Variants in STAT6 observed in about 807,000 individuals in gnomAD.
The protein encoded by STAT6 is signal transducer and activator of transcription 6.
In STAT6, 45 loss-of-function variants were observed where a neutral mutation model predicts 106.3. The ratio of observed to expected loss-of-function variants is 0.42; its 90% CI spans 0.33 to 0.54. STAT6 has a LOEUF of 0.54. STAT6 is among the 20% of genes least tolerant of loss of function. STAT6 has a pLI of 0.06. For synonymous variants in STAT6, 413 were observed against 413.6 expected (o/e 1.00, Z 0.02); for missense variants, 797 against 1,062.2 (o/e 0.75, Z 3.47).
At position 57,105,201 on chromosome 12, in the gene STAT6, T is replaced by C; in HGVS notation, c.951A>G (p.Thr317=). Residue 317 remains threonine (T), a synonymous_variant, in exon 9 of 22, where the codon ACA becomes ACG. Coordinates refer to ENST00000300134, the MANE Select transcript of STAT6 (RefSeq NM_003153.5). ...CACTCAGCTCCCGCGCCTGCTTCTC[T>C]GTCACCATGTCGGCCCTGACCAGCG... ...KPPLVRADMV[T]EKQARELSVP... The C allele has an allele frequency of 5.0e-6, 8 of 1,614,002 alleles. No individual in the cohort carries two copies. In the Admixed American group the frequency reaches 1.0e-4, roughly 20 times the overall value.
At position 57,096,326 on chromosome 12, in the gene STAT6, G is replaced by C; in HGVS notation, c.*246C>G. On this transcript the variant is annotated 3_prime_UTR_variant, in exon 22 of 22. Transcript: ENST00000300134. ...TGCAGGCATGTTGGGGTGTGTCTCA[G>C]AGCCTGAACTTCCCTTCCAGTCAGT... The C allele has an allele frequency of 2.0e-6, 1 of 497,736 alleles. No individual in the cohort carries two copies. Among genetic ancestry groups the C allele is most frequent in the Non-Finnish European group, 3.5e-6 (1 of 282,190 alleles). The allele number at this position is 497,736 out of a possible 1,614,324, so 30.8% of individuals were successfully genotyped here.
chr12:57,106,612 G>A, intron 5 of STAT6, 32 bp from the exon 6 acceptor site: 1 of 1,614,000 alleles, frequency 6.2e-7, no homozygotes, highest in Non-Finnish European at 8.5e-7. Context: ...CAAGGGTGCA[G>A]ACAGATTAGA....
At chr12:57,105,658 C>T (rs2034227163) in intron 7 of STAT6, 59 bp from the exon 8 acceptor site, 5 of 1,574,130 alleles carry the variant, frequency 3.2e-6, no homozygotes, top group African/African-American at 2.7e-5. Context: ...CCGGCCCAGA[C>T]CCCCTTCCCC....
At position 57,105,253 on chromosome 12, in the gene STAT6, C is replaced by T; in HGVS notation, c.899G>A (p.Arg300Lys). 1 of 1,614,150 alleles carries T rather than the reference C, an allele frequency of 6.2e-7. No individual in the cohort carries two copies. The highest frequency in any genetic ancestry group is 8.5e-7 in the Non-Finnish European group (1 of 1,180,016). ...AGGCTTGGCTGGGGCCCCCAGGAACCTCAAGCCCAACAGGAATCGAACTCC... is the reference window on the plus strand; with the variant it reads ...AGGCTTGGCTGGGGCCCCCAGGAACTTCAAGCCCAACAGGAATCGAACTCC... ...QAGVRFLLGLRFLGAPAKPPL... is the reference protein window; with the variant it reads ...QAGVRFLLGLKFLGAPAKPPL... The change falls in exon 9 of 22, where the codon AGG becomes AAG. Residue 300 changes from arginine to lysine, a missense_variant. Arg to Lys is a conservative substitution (Grantham distance 26). Coordinates refer to ENST00000300134, the MANE Select transcript of STAT6 (RefSeq NM_003153.5).
At chr12:57,107,825 A>C in intron 2 of STAT6, 82 bp from the exon 3 acceptor site, 13 of 1,576,602 alleles carry the variant, frequency 8.2e-6, no homozygotes, top group Middle Eastern at 1.7e-4. Flanking sequence ...CCAAAAGCTC[A>C]GCAGTTCCTT....
At chr12:57,109,194 T>A (rs1285738101) in intron 1 of STAT6, among the ~76,000 whole-genome samples, 1 of 151,818 alleles carries the variant, frequency 6.6e-6, no homozygotes, top group East Asian at 1.9e-4. Context: ...AGAGAGAGAC[T>A]CTGCCTCAAA....
intron 10 of STAT6, 33 bp from the exon 11 acceptor site, chr12:57,104,619 G>T: frequency 1.9e-6 from 3 of 1,613,422 alleles, no homozygotes; most frequent in Non-Finnish European, 2.5e-6. Flanking sequence ...CAAGGGCGAG[G>T]TCATGAGGAC....
chr12:57,102,346 T>C lies in STAT6; in HGVS notation c.1456A>G (p.Ser486Gly). Residue 486 changes from serine (S) to glycine (G), a missense_variant, in exon 13 of 22, where the codon AGC (serine) becomes GGC (glycine). Physicochemically the swap from Ser to Gly is moderately conservative, Grantham distance 56. This residue lies in a region of STAT6 where 222 missense variants were observed against 354.6 expected (regional missense o/e 0.63). Transcript: ENST00000300134. ...TGCTGGAAGGCCTCCATACTGAGGC[T>C]GTTGTCATTGAAGATCTTCTGGGCC... ...FLAQKIFNDN[S>G]LSMEAFQHRS... 2.5e-6 allele frequency: 4 copies of C among 1,614,094 alleles called. No individual in the cohort carries two copies. Among genetic ancestry groups the C allele is most frequent in the Non-Finnish European group, 3.4e-6 (4 of 1,179,998 alleles).
chr12:57,098,813 A>G lies in STAT6; in HGVS notation c.2045T>C (p.Met682Thr). ...LGMAPDSSMS[M>T]QLGPDMVPQV... ...TTACACCATATCTGGGCCAAGCTGC[A>G]TGCTCATGGAGGAATCAGGGGCCAT... Residue 682 changes from methionine to threonine, a missense_variant, in exon 18 of 22, where the codon ATG becomes ACG. Around this residue, in one of 4 missense-constraint regions of STAT6, gnomAD observed 226 missense variants for 236.7 expected, o/e 0.95. Coordinates refer to ENST00000300134, the MANE Select transcript of STAT6 (RefSeq NM_003153.5). 1 of 1,613,780 alleles carries G rather than the reference A, an allele frequency of 6.2e-7. No homozygotes were observed. Among genetic ancestry groups the G allele is most frequent in the South Asian group, 1.1e-5 (1 of 91,060 alleles).
rs2033389407 is a variant in STAT6 at position 57,095,984 on chromosome 12, T to G, written c.*588A>C. On this transcript the variant is annotated 3_prime_UTR_variant, in exon 22 of 22. Transcript: ENST00000300134. ...AGCCTCCACCTGGCTAACAGGAATTTGGGGCTTTGGGAGATTTTTTAATCA... is the reference window on the plus strand; with the variant it reads ...AGCCTCCACCTGGCTAACAGGAATTGGGGGCTTTGGGAGATTTTTTAATCA... 6.5e-6 allele frequency: 1 copy of G among 152,912 alleles called. No individual in the cohort carries two copies. The highest frequency in any genetic ancestry group is 2.1e-4 in the South Asian group (1 of 4,840). The allele number at this position is 152,912 out of a possible 1,614,324, so 9.5% of individuals were successfully genotyped here.
chr12:57,102,966 T>A lies in STAT6; in HGVS notation c.1213-45A>T, dbSNP rs12826372. The stretch of plus-strand genomic sequence containing the variant: ...GGGTTTCTTTTCTTTCTTTCTTTCC[T>A]TTTTTTTTTTTTTTTTTTTTTTTTT... On this transcript the variant is annotated intron_variant, in intron 11 of 21. Coordinates refer to ENST00000300134, the MANE Select transcript of STAT6 (RefSeq NM_003153.5). The A allele has an allele frequency of 7.8e-4, 14 of 18,036 alleles. No individual in the cohort carries two copies. The African/African-American group carries it at 0.011, about 15-fold the overall frequency. 1.1% of individuals were successfully genotyped at this position (18,036 alleles called of 1,614,324 possible). A position where few individuals can be genotyped will look rare whatever the true frequency, so the allele number is the denominator to read the frequency against.
In STAT6 at chr12:57,096,544, T is replaced by A; in HGVS notation, c.*28A>T. 5 of 1,547,302 alleles carry A rather than the reference T, an allele frequency of 3.2e-6. 1 individual carries two copies. The South Asian group carries it at 6.3e-5, about 19-fold the overall frequency. ...GTCTGTGGGGGTAGTAGAAGAGCTGTCTCTTTGGGTTCTCCCTCCAGCTGG... is the reference window on the plus strand; with the variant it reads ...GTCTGTGGGGGTAGTAGAAGAGCTGACTCTTTGGGTTCTCCCTCCAGCTGG... On this transcript the variant is annotated 3_prime_UTR_variant, in exon 22 of 22. Coordinates refer to ENST00000300134, the MANE Select transcript of STAT6 (RefSeq NM_003153.5).
At chr12:57,103,365 G>C (rs3024962) in intron 11 of STAT6, 8,882 of 158,066 alleles carry the variant, frequency 0.056, 844 homozygotes, top group African/African-American at 0.2. Context: ...AGGTTTCACC[G>C]TGTTAGCCAG....
At position 57,099,942 on chromosome 12, in the gene STAT6, A is replaced by C. The variant is rs1267077730; in HGVS notation, c.1608-39T>G. 29 of 1,614,094 alleles carry C rather than the reference A, an allele frequency of 1.8e-5. No individual in the cohort carries two copies. The highest frequency in any genetic ancestry group is 2.5e-5 in the Non-Finnish European group (29 of 1,180,038). ...AGGAGAGGATGGGGCATGGGCAGTG[A>C]GTATGGAGGTGACTGGTGTATGGCT... On this transcript the variant is annotated intron_variant, in intron 14 of 21. Coordinates refer to ENST00000300134, the MANE Select transcript of STAT6 (RefSeq NM_003153.5). This position sits in a 1 kb window ranked among gnomAD's most constrained non-coding sequence, Gnocchi z 4.7.
chr12:57,101,063 G>C (rs1383623571), intron 13 of STAT6, among the ~76,000 whole-genome samples: 1 of 152,098 alleles, frequency 6.6e-6, no homozygotes, highest in African/African-American at 2.4e-5. Flanking sequence ...TTCAGTTTTT[G>C]CAACAGGAAT....
Position 57,098,566 on chromosome 12 carries a change from T to C in STAT6, c.2098A>G (p.Ile700Val), listed in dbSNP as rs765520388. 1 of 1,614,054 alleles carries C rather than the reference T, an allele frequency of 6.2e-7. No individual in the cohort carries two copies. The highest frequency in any genetic ancestry group is 8.5e-7 in the Non-Finnish European group (1 of 1,180,006). The part of the protein sequence containing the change: ...PQVYPPHSHS[I>V]PPYQGLSPEE... The stretch of plus-strand genomic sequence containing the variant: ...GGGGAGAGGCCTTGATACGGGGGGA[T>C]GGAGTGAGAGTGTGGTGGGTACACC... Residue 700 changes from isoleucine (I) to valine (V), a missense_variant, in exon 19 of 22, where the codon ATC becomes GTC. Physicochemically the swap from Ile to Val is conservative, Grantham distance 29 (BLOSUM62 3). This residue lies in a region of STAT6 where 226 missense variants were observed against 236.7 expected (regional missense o/e 0.95). Transcript: ENST00000300134.
rs1193330350 is a variant in STAT6, at chr12:57,098,843, A to G, written c.2015T>C (p.Leu672Pro). 1 of 1,613,142 alleles carries G rather than the reference A, an allele frequency of 6.2e-7. No homozygotes were observed. Among genetic ancestry groups the G allele is most frequent in the Admixed American group, 1.7e-5 (1 of 59,616 alleles). ...CATGGAGGAATCAGGGGCCATTCCA[A>G]GGTCATAAGAAGGCACCATGGTAGG... ...QMPTMVPSYD[L>P]GMAPDSSMSM... Residue 672 changes from leucine to proline, a missense_variant, in exon 18 of 22, where the codon CTT becomes CCT. This residue lies in a region of STAT6 where 226 missense variants were observed against 236.7 expected (regional missense o/e 0.95). Coordinates refer to ENST00000300134, the MANE Select transcript of STAT6 (RefSeq NM_003153.5).
At chr12:57,105,013 C>T in intron 9 of STAT6, 138 bp downstream of exon 9, 3 of 1,275,686 alleles carry the variant, frequency 2.4e-6, no homozygotes, top group Non-Finnish European at 3.2e-6. Flanking sequence ...CCCTCCCTTT[C>T]CTCTGCCTTG....
In STAT6 at chr12:57,098,870, A is replaced by T; in HGVS notation, c.1988T>A (p.Met663Lys). 1 of 1,613,648 alleles carries T rather than the reference A, an allele frequency of 6.2e-7. No homozygotes were observed. The highest frequency in any genetic ancestry group is 8.5e-7 in the Non-Finnish European group (1 of 1,179,828). Residue 663 changes from methionine to lysine, a missense_variant, in exon 18 of 22, where the codon ATG (methionine) becomes AAG (lysine). Transcript: ENST00000300134. The stretch of plus-strand genomic sequence containing the variant: ...GTCATAAGAAGGCACCATGGTAGGC[A>T]TCTGGAGCTCTGGGGTAGGAAGTGG... ...DQPLPTPELQ[M>K]PTMVPSYDLG...
Sources: gnomAD v4.1 joint callset for allele counts (sites outside exome capture counted in the v4.1 genomes callset) on GRCh38, gnomAD v4.1.1 for gene constraint, gnomAD v4.1.1 regional missense constraint, Gnocchi (gnomAD v3.1) non-coding constraint, MANE v1.5 for transcripts, NCBI Gene and HGNC (gene_info 2026-07-23, HGNC 2026-07-21) for gene names.